Variants in AFF1 observed in about 807,000 individuals in gnomAD.
AFF1 encodes the protein ALF transcription elongation factor 1.
A neutral mutation model predicts 121.7 loss-of-function variants in AFF1; 48 were observed. The observed-to-expected ratio is 0.39, with a 90% CI of 0.31 to 0.50. AFF1 has a LOEUF of 0.50. Ranked by LOEUF, AFF1 falls within the 20% of genes least tolerant of loss-of-function variation. The pLI is 0.76. For missense variants in AFF1, 1,523 were observed against 1,511.7 expected (o/e 1.01, Z -0.12); for synonymous variants, 613 against 563.0 (o/e 1.09, Z -1.26).
At chr4:86,987,484 A>G (rs541465997) in intron 2 of AFF1, among the ~76,000 whole-genome samples, 2 of 152,228 alleles carry the variant, frequency 1.3e-5, no homozygotes, top group Middle Eastern at 3.4e-3. Flanking sequence ...CCAAGAATGT[A>G]TAGACTGGGA....
chr4:87,009,177 ACT>A (rs1560536278), intron 2 of AFF1, among the ~76,000 whole-genome samples: 1 of 152,170 alleles, frequency 6.6e-6, no homozygotes, highest in African/African-American at 2.4e-5. Context: ...ATTAGCTCTG[ACT>A]CTTCTCAGGC....
chr4:86,992,762 A>G (rs1724825646), intron 2 of AFF1, among the ~76,000 whole-genome samples: 1 of 152,214 alleles, frequency 6.6e-6, no homozygotes, highest in Non-Finnish European at 1.5e-5. Context: ...AATTTTCTTA[A>G]ATGAATTCTT....
Position 87,114,435 on chromosome 4 carries a change from G to T in AFF1, c.1602G>T (p.Ala534=). ...NWLTKVSQPA[A]PPEGPRSTEP... is the part of the protein sequence containing the mutation. ...TGACCAAAGTCAGCCAGCCAGCTGC[G>T]CCACCAGAGGGCCCCAGGAGCACAG... is the stretch of plus-strand genomic sequence containing the variant. Residue 534 remains alanine, a synonymous_variant, in exon 12 of 21, where the codon GCG becomes GCT. Coordinates refer to ENST00000395146, the MANE Select transcript of AFF1 (RefSeq NM_001166693.3). 1.9e-6 allele frequency: 3 copies of T among 1,611,308 alleles called. No homozygotes were observed. Among genetic ancestry groups the T allele is most frequent in the Non-Finnish European group, 1.7e-6 (2 of 1,179,622 alleles).
At chr4:87,115,721 A>G (rs1281155009) in intron 12 of AFF1, among the ~76,000 whole-genome samples, 1 of 146,202 alleles carries the variant, frequency 6.8e-6, no homozygotes, top group East Asian at 2.1e-4. Flanking sequence ...CGATCCTCCT[A>G]CCTCAGCCTC....
chr4:87,070,942 G>T (rs1721971414), intron 4 of AFF1, among the ~76,000 whole-genome samples: 1 of 152,324 alleles, frequency 6.6e-6, no homozygotes, highest in South Asian at 2.1e-4. Context: ...TTTAAGGTTA[G>T]CTATAGTGAG....
intron 2 of AFF1, among the ~76,000 whole-genome samples, chr4:86,969,714 A>T (rs569302055): frequency 6.6e-6 from 1 of 151,466 alleles, no homozygotes. Flanking sequence ...CCCCGTCTCT[A>T]CTAACAATAC....
chr4:87,120,466 C>G (rs2149781662), intron 12 of AFF1, among the ~76,000 whole-genome samples: 1 of 152,304 alleles, frequency 6.6e-6, no homozygotes, highest in South Asian at 2.1e-4. Context: ...AGATGAGATC[C>G]AAAAAGGCAC....
At chr4:87,105,735 G>T (rs1725849243) in intron 9 of AFF1, 53 bp downstream of exon 9, 1 of 1,613,712 alleles carries the variant, frequency 6.2e-7, no homozygotes, top group African/African-American at 1.3e-5. Flanking sequence ...ACATCTAACA[G>T]ATCTGAGCTG....
At chr4:87,125,168 C>A in intron 13 of AFF1, 25 bp downstream of exon 13, 2 of 1,574,344 alleles carry the variant, frequency 1.3e-6, no homozygotes, top group South Asian at 1.1e-5. Context: ...TAGCAACCAC[C>A]TAATCTACGG....
chr4:87,078,143 G>A (rs1368147854), intron 4 of AFF1, among the ~76,000 whole-genome samples: 2 of 152,112 alleles, frequency 1.3e-5, no homozygotes, highest in South Asian at 2.1e-4. Flanking sequence ...TGTTAATCTT[G>A]TGGCTGTTTG....
intron 2 of AFF1, among the ~76,000 whole-genome samples, chr4:86,984,531 C>A (rs1724054741): frequency 1.3e-5 from 2 of 152,008 alleles, no homozygotes; most frequent in African/African-American, 4.8e-5. Flanking sequence ...ACCGTGTTGC[C>A]CAGGCTAGTC....
intron 10 of AFF1, among the ~76,000 whole-genome samples, chr4:87,107,117 T>A (rs1725990170): frequency 6.6e-6 from 1 of 152,198 alleles, no homozygotes; most frequent in Non-Finnish European, 1.5e-5. Flanking sequence ...ACCAACTGGG[T>A]GCAGCATTTC....
At chr4:87,091,069 T>C (rs1001525140) in intron 6 of AFF1, among the ~76,000 whole-genome samples, 5 of 151,060 alleles carry the variant, frequency 3.3e-5, no homozygotes, top group African/African-American at 1.2e-4. Flanking sequence ...AAACTCAAAT[T>C]TGCTACTTTA....
chr4:87,111,963 T>G (rs910157853), intron 11 of AFF1, among the ~76,000 whole-genome samples: 2 of 152,202 alleles, frequency 1.3e-5, no homozygotes, highest in Non-Finnish European at 2.9e-5. Context: ...CAGATGTTAT[T>G]TATACTGGGA....
intron 2 of AFF1, among the ~76,000 whole-genome samples, chr4:86,968,181 G>C (rs1159801950): frequency 6.6e-6 from 1 of 152,222 alleles, no homozygotes; most frequent in African/African-American, 2.4e-5. Context: ...CCCTCAGGCA[G>C]TAATGGTCTC....
In AFF1 at chr4:86,948,585, C is replaced by G. The variant is rs771888105; in HGVS notation, c.38+14C>G. On this transcript the variant is annotated intron_variant, in intron 2 of 20. Coordinates refer to ENST00000395146, the MANE Select transcript of AFF1 (RefSeq NM_001166693.3). Reference sequence around the variant, plus strand: ...CAGTGGCAACAGGTAAGCATAGAATCTATGATTCAAAGACATGCTGATATT... The same window carrying G: ...CAGTGGCAACAGGTAAGCATAGAATGTATGATTCAAAGACATGCTGATATT... 27 of 1,533,654 alleles carry G rather than the reference C, an allele frequency of 1.8e-5. No homozygotes were observed. The highest frequency in any genetic ancestry group is 7.9e-5 in the Admixed American group (4 of 50,884).
intron 2 of AFF1, among the ~76,000 whole-genome samples, chr4:86,963,335 T>C (rs1428807076): frequency 1.3e-5 from 2 of 152,284 alleles, no homozygotes; most frequent in East Asian, 3.9e-4. Flanking sequence ...CAATATTCAT[T>C]CATTCATCAA....
chr4:87,027,838 A>C (rs953819605), intron 2 of AFF1, among the ~76,000 whole-genome samples: 1 of 115,876 alleles, frequency 8.6e-6, no homozygotes, highest in African/African-American at 3.5e-5. Context: ...CCCAGACTGG[A>C]GTGCAGTGGT....
intron 12 of AFF1, among the ~76,000 whole-genome samples, chr4:87,120,795 A>G (rs1727610874): frequency 6.6e-6 from 1 of 152,138 alleles, no homozygotes; most frequent in Non-Finnish European, 1.5e-5. Context: ...GGTTCACTAC[A>G]TCTTTCCATC....
Sources: allele counts gnomAD v4.1 joint callset (sites outside exome capture counted in the v4.1 genomes callset), GRCh38; gene constraint gnomAD v4.1.1; transcripts MANE v1.5; gene names NCBI Gene and HGNC (gene_info 2026-07-23, HGNC 2026-07-21).